Variants in ULK4 observed in about 807,000 individuals in gnomAD.
ULK4 encodes inactive serine/threonine-protein kinase ULK4.
Under a neutral mutation model 160.6 loss-of-function variants are expected in ULK4, and 133 were observed. That is an observed-to-expected ratio of 0.83 (90% CI 0.72 to 0.96). ULK4 has a LOEUF of 0.96. Among genes scored for constraint, ULK4 ranks in the 40% least tolerant of loss-of-function variants. The probability of loss-of-function intolerance (pLI) is 0.00; values close to 1 mark genes in which losing one functional copy is unlikely to be tolerated. For synonymous variants in ULK4, 534 were observed against 539.8 expected (o/e 0.99, Z 0.15); for missense variants, 1,580 against 1,499.5 (o/e 1.05, Z -0.89).
chr3:41,823,024 G>GA (rs1457224050), intron 18 of ULK4, among the ~76,000 whole-genome samples: 19 of 130,458 alleles, frequency 1.5e-4, no homozygotes, highest in African/African-American at 6.6e-4. Flanking sequence ...GCCCGGCCGA[G>GA]ATTTTTTTTT....
intron 8 of ULK4, among the ~76,000 whole-genome samples, chr3:41,914,604 A>T (rs1698906327): frequency 6.6e-6 from 1 of 152,240 alleles, no homozygotes; most frequent in Non-Finnish European, 1.5e-5. Flanking sequence ...ACCCAAAAAA[A>T]TTTTAAAAAT....
intron 31 of ULK4, among the ~76,000 whole-genome samples, chr3:41,567,287 A>G (rs556945626): frequency 6.6e-6 from 1 of 152,254 alleles, no homozygotes; most frequent in African/African-American, 2.4e-5. Flanking sequence ...ATAATAAAAA[A>G]GTGAACCATA....
Position 41,954,822 on chromosome 3 carries a change from A to C in ULK4, c.-48-15T>G. On this transcript the variant is annotated splice_polypyrimidine_tract_variant and intron_variant, in intron 1 of 36. Coordinates refer to ENST00000301831, the MANE Select transcript of ULK4 (RefSeq NM_017886.4). ...ATCTCTAGCTCCTAAGAAGTAAACA[A>C]AAATGACATTGATAAATGCAAGTTA... 1 of 1,483,634 alleles carries C rather than the reference A, an allele frequency of 6.7e-7. No individual in the cohort carries two copies. The highest frequency in any genetic ancestry group is 9.1e-7 in the Non-Finnish European group (1 of 1,099,184). 91.9% of individuals were successfully genotyped at this position (1,483,634 alleles called of 1,614,324 possible). A position where few individuals can be genotyped will look rare whatever the true frequency, so the allele number is the denominator to read the frequency against.
chr3:41,376,714 G>T (rs2081506291), intron 35 of ULK4, among the ~76,000 whole-genome samples: 1 of 149,832 alleles, frequency 6.7e-6, no homozygotes, highest in South Asian at 2.2e-4. Context: ...ACTGCTCAAG[G>T]AAATAAAAGA....
At chr3:41,834,368 A>G (rs2041691316) in intron 18 of ULK4, among the ~76,000 whole-genome samples, 1 of 152,178 alleles carries the variant, frequency 6.6e-6, no homozygotes, top group Non-Finnish European at 1.5e-5. Flanking sequence ...CAATCAATAC[A>G]CAGATTCAGT....
At chr3:41,341,567 A>C (rs2080685581) in intron 35 of ULK4, among the ~76,000 whole-genome samples, 1 of 152,188 alleles carries the variant, frequency 6.6e-6, no homozygotes, top group Non-Finnish European at 1.5e-5. Context: ...GCAGTGCTAA[A>C]TCCAACCTGT....
Position 41,349,730 on chromosome 3 carries a change from T to C in ULK4, c.3678+48349A>G, listed in dbSNP as rs117534481. Among the ~76,000 whole-genome samples the C allele has an allele frequency of 1.0e-3, 152 of 152,322 alleles. No homozygotes were observed. In the East Asian group the frequency reaches 0.023, roughly 23 times the overall value. On this transcript the variant is annotated intron_variant, in intron 35 of 36. Transcript: ENST00000301831. ...TCAAATATAAACATAAAACTCTGAT[T>C]TCCCCTTGGGGTTCTGGCCACACAC... is the stretch of plus-strand genomic sequence containing the variant.
intron 13 of ULK4, among the ~76,000 whole-genome samples, chr3:41,899,464 A>G (rs763224669): frequency 6.6e-6 from 1 of 152,216 alleles, no homozygotes. Context: ...TATGGTTATA[A>G]GAGGGAAAAA....
intron 35 of ULK4, among the ~76,000 whole-genome samples, chr3:41,359,983 A>ACAGACAAC (rs1393667636): frequency 6.6e-6 from 1 of 152,184 alleles, no homozygotes; most frequent in Admixed American, 6.5e-5. Context: ...ATTAGAGTGA[A>ACAGACAAC]CAGACAACCT....
chr3:41,387,288 T>C (rs1462292170), intron 35 of ULK4, among the ~76,000 whole-genome samples: 3 of 152,160 alleles, frequency 2.0e-5, no homozygotes, highest in African/African-American at 7.2e-5. Context: ...GAAACTATTT[T>C]ATTATTAACT....
At chr3:41,799,020 T>C (rs1250283315) in intron 20 of ULK4, among the ~76,000 whole-genome samples, 5 of 152,218 alleles carry the variant, frequency 3.3e-5, no homozygotes, top group Middle Eastern at 6.8e-3. Context: ...GCAGTTGGGA[T>C]AGTTCTCATT....
At chr3:41,374,501 G>A (rs2081437982) in intron 35 of ULK4, among the ~76,000 whole-genome samples, 1 of 152,082 alleles carries the variant, frequency 6.6e-6, no homozygotes, top group African/African-American at 2.4e-5. Flanking sequence ...CTCAATAAAT[G>A]TAATCCATCA....
At chr3:41,630,045 T>G (rs1296294658) in intron 30 of ULK4, among the ~76,000 whole-genome samples, 1 of 152,184 alleles carries the variant, frequency 6.6e-6, no homozygotes, top group African/African-American at 2.4e-5. Context: ...CAGAGAGACC[T>G]GTTAATAGGC....
chr3:41,445,814 G>A (rs1289734350), intron 34 of ULK4, among the ~76,000 whole-genome samples: 1 of 152,002 alleles, frequency 6.6e-6, no homozygotes, highest in Non-Finnish European at 1.5e-5. Context: ...ATAGGCATGG[G>A]CAAGGACTTC....
intron 35 of ULK4, among the ~76,000 whole-genome samples, chr3:41,311,798 G>A (rs2080054208): frequency 6.6e-6 from 1 of 151,278 alleles, no homozygotes; most frequent in South Asian, 2.1e-4. Flanking sequence ...TTGATCTCCT[G>A]ACCTTGTGAT....
intron 32 of ULK4, among the ~76,000 whole-genome samples, chr3:41,509,654 G>T (rs2085503702): frequency 1.3e-5 from 2 of 152,176 alleles, no homozygotes; most frequent in South Asian, 4.1e-4. Context: ...AGCCAGACAG[G>T]ATTGGTGTCC....
intron 4 of ULK4, among the ~76,000 whole-genome samples, chr3:41,934,724 T>C (rs1699703920): frequency 3.9e-5 from 6 of 152,296 alleles, no homozygotes; most frequent in Admixed American, 3.9e-4. Context: ...CTGAAGCACA[T>C]TTAGTTATGG....
intron 5 of ULK4, among the ~76,000 whole-genome samples, chr3:41,924,527 C>T (rs1427403297): frequency 3.9e-5 from 6 of 152,190 alleles, no homozygotes; most frequent in Admixed American, 3.9e-4. Flanking sequence ...CAAAACACAG[C>T]TCTCTTCCCC....
intron 21 of ULK4, among the ~76,000 whole-genome samples, chr3:41,773,300 T>A (rs2039473540): frequency 6.6e-6 from 1 of 152,108 alleles, no homozygotes; most frequent in African/African-American, 2.4e-5. Context: ...TGCAGATGAC[T>A]TGACTGTATA....
Sources: allele counts gnomAD v4.1 joint callset (sites outside exome capture counted in the v4.1 genomes callset), GRCh38; gene constraint gnomAD v4.1.1; transcripts MANE v1.5; gene names NCBI Gene and HGNC (gene_info 2026-07-23, HGNC 2026-07-21).